Variants in CHP1 observed in about 807,000 individuals in gnomAD.
CHP1 encodes the protein calcineurin B homologous protein 1.
A neutral mutation model predicts 27.4 loss-of-function variants in CHP1; 11 were observed. The observed-to-expected ratio is 0.40, with a 90% CI of 0.25 to 0.67. The LOEUF (loss-of-function observed/expected upper bound fraction) is 0.67, where lower values mean the gene tolerates loss of function less well. CHP1 is among the 30% of genes least tolerant of loss of function. The pLI is 0.38. For missense variants in CHP1, 169 were observed against 251.3 expected, an observed-to-expected ratio of 0.67 and a Z score of 2.22; for synonymous variants, 89 against 87.4, an observed-to-expected ratio of 1.02 and a Z score of -0.10.
chr15:41,247,540 C>T (rs766678635), intron 2 of CHP1, among the ~76,000 whole-genome samples: 14 of 151,664 alleles, frequency 9.2e-5, no homozygotes, highest in Non-Finnish European at 1.6e-4. Flanking sequence ...GGTGTGGTGG[C>T]GCACGCCTGT....
At chr15:41,259,050 C>G (rs1401868514) in intron 3 of CHP1, among the ~76,000 whole-genome samples, 1 of 152,048 alleles carries the variant, frequency 6.6e-6, no homozygotes, top group Non-Finnish European at 1.5e-5. Flanking sequence ...TTCATTTTTT[C>G]CTTTCTCTCT....
chr15:41,238,799 C>T (rs972848724), intron 1 of CHP1, among the ~76,000 whole-genome samples: 1 of 151,986 alleles, frequency 6.6e-6, no homozygotes. Flanking sequence ...TTGCAGTGAG[C>T]CAAGATCGCG....
intron 4 of CHP1, chr15:41,264,160 G>A: frequency 7.8e-7 from 1 of 1,279,158 alleles, no homozygotes; most frequent in South Asian, 1.2e-5. Context: ...GTTCACATCT[G>A]GCAGTAGAGG....
intron 2 of CHP1, among the ~76,000 whole-genome samples, chr15:41,248,535 G>T (rs1168124010): frequency 6.6e-6 from 1 of 152,080 alleles, no homozygotes; most frequent in Non-Finnish European, 1.5e-5. Context: ...CAAAGTACTG[G>T]GATTATAGGC....
intron 1 of CHP1, among the ~76,000 whole-genome samples, chr15:41,235,378 T>C (rs1016432412): frequency 6.6e-6 from 1 of 152,036 alleles, no homozygotes; most frequent in African/African-American, 2.4e-5. Flanking sequence ...TAAAAAAAAT[T>C]AGCTGGACAT....
chr15:41,276,550 A>C (rs2047520388), intron 5 of CHP1, among the ~76,000 whole-genome samples: 1 of 152,220 alleles, frequency 6.6e-6, no homozygotes, highest in South Asian at 2.1e-4. Flanking sequence ...GTGTTAATAG[A>C]ATTCCCAGGG....
chr15:41,248,653 C>T (rs1002692616), intron 2 of CHP1, among the ~76,000 whole-genome samples: 1 of 152,096 alleles, frequency 6.6e-6, no homozygotes, highest in Non-Finnish European at 1.5e-5. Flanking sequence ...AGACTCATGC[C>T]TGTAATCCCA....
chr15:41,247,092 G>T (rs764766988), intron 2 of CHP1, among the ~76,000 whole-genome samples: 4 of 152,000 alleles, frequency 2.6e-5, no homozygotes, highest in Non-Finnish European at 5.9e-5. Context: ...AGGGCCAAGC[G>T]CAGTGGCTTA....
intron 3 of CHP1, among the ~76,000 whole-genome samples, chr15:41,259,269 T>G (rs1431071683): frequency 6.6e-6 from 1 of 152,164 alleles, no homozygotes; most frequent in Non-Finnish European, 1.5e-5. Context: ...CACCATTGAT[T>G]ACTTGAAGAA....
intron 4 of CHP1, among the ~76,000 whole-genome samples, chr15:41,267,340 C>T (rs541491372): frequency 7.2e-5 from 11 of 151,810 alleles, no homozygotes; most frequent in Non-Finnish European, 1.3e-4. Context: ...TTAAATGATA[C>T]ATTTTATGTA....
chr15:41,267,005 A>C (rs550016677), intron 4 of CHP1, among the ~76,000 whole-genome samples: 1 of 152,256 alleles, frequency 6.6e-6, no homozygotes, highest in East Asian at 1.9e-4. Context: ...ATCTCGAAAA[A>C]AAAAAGGAAA....
chr15:41,261,992 CAAAA>C (rs34691506), intron 3 of CHP1, among the ~76,000 whole-genome samples: 1 of 84,040 alleles, frequency 1.2e-5, no homozygotes, highest in Non-Finnish European at 2.7e-5. Flanking sequence ...AACTCCATCT[CAAAA>C]AAAAAAAAAA....
At chr15:41,276,275 T>C (rs902156067) in intron 5 of CHP1, among the ~76,000 whole-genome samples, 2 of 150,846 alleles carry the variant, frequency 1.3e-5, no homozygotes, top group African/African-American at 4.9e-5. Context: ...CATGAGATTG[T>C]AGAAGGGAGT....
intron 1 of CHP1, among the ~76,000 whole-genome samples, chr15:41,232,001 G>C (rs568272832): frequency 3.9e-5 from 6 of 152,068 alleles, no homozygotes; most frequent in African/African-American, 1.4e-4. Context: ...AAACAATCAG[G>C]GGTCTGGGAT....
chr15:41,280,406 T>C lies in CHP1; in HGVS notation c.*1017T>C, dbSNP rs2047539460. ...CTCATGCATTCACACCTTTGCAGCA[T>C]GGTTTATGCCTCAGTGTTATGTGCA... On this transcript the variant is annotated 3_prime_UTR_variant, in exon 7 of 7. Transcript: ENST00000334660. 1 of 152,484 alleles carries C rather than the reference T, an allele frequency of 6.6e-6. No individual in the cohort carries two copies. The highest frequency in any genetic ancestry group is 1.5e-5 in the Non-Finnish European group (1 of 68,054). 9.4% of individuals were successfully genotyped at this position (152,484 alleles called of 1,614,324 possible).
intron 2 of CHP1, among the ~76,000 whole-genome samples, chr15:41,247,997 T>TA (rs1439198170): frequency 8.6e-5 from 13 of 151,668 alleles, no homozygotes; most frequent in Admixed American, 1.3e-4. Flanking sequence ...ATAAAATAAA[T>TA]AAATAAATAA....
intron 5 of CHP1, among the ~76,000 whole-genome samples, chr15:41,274,795 T>G (rs1236328293): frequency 2.0e-5 from 3 of 149,180 alleles, no homozygotes; most frequent in African/African-American, 7.4e-5. Context: ...TCTTTGTTTT[T>G]TTTTTTTTTT....
intron 4 of CHP1, among the ~76,000 whole-genome samples, chr15:41,265,160 G>C (rs1388147470): frequency 6.7e-6 from 1 of 149,304 alleles, no homozygotes; most frequent in Admixed American, 6.7e-5. Flanking sequence ...TCAGGAGTTC[G>C]AGACAAGTCT....
intron 2 of CHP1, among the ~76,000 whole-genome samples, chr15:41,254,915 TA>T (rs1462203906): frequency 6.6e-6 from 1 of 152,250 alleles, no homozygotes; most frequent in African/African-American, 2.4e-5. Flanking sequence ...ATCTAGTTTA[TA>T]ATCTTTTTTT....
Sources: allele counts gnomAD v4.1 joint callset (sites outside exome capture counted in the v4.1 genomes callset), GRCh38; gene constraint gnomAD v4.1.1; transcripts MANE v1.5; gene names NCBI Gene and HGNC (gene_info 2026-07-23, HGNC 2026-07-21).